The following NBAS variants were observed in gnomAD, a reference collection of about 807,000 sequenced individuals.
The protein encoded by NBAS is NAG/BC035112 fusion.
In NBAS, 219 loss-of-function variants were observed where a neutral mutation model predicts 302.5. That is an observed-to-expected ratio of 0.72 (90% CI 0.65 to 0.81). The LOEUF (loss-of-function observed/expected upper bound fraction) is 0.81, where lower values mean the gene tolerates loss of function less well. Among genes scored for constraint, NBAS ranks in the 30% least tolerant of loss-of-function variants. The pLI is 0.00. For missense variants in NBAS, 2,932 were observed against 2,841.6 expected (o/e 1.03, Z -0.72); for synonymous variants, 1,118 against 1,021.6 (o/e 1.09, Z -1.80).
chr2:15,403,619 G>A (rs768464079), intron 25 of NBAS, among the ~76,000 whole-genome samples: 39 of 152,196 alleles, frequency 2.6e-4, no homozygotes, highest in Non-Finnish European at 5.1e-4. Flanking sequence ...TGTGTATCAG[G>A]GACTTGAGCA....
At position 15,167,992 on chromosome 2, in the gene NBAS, CCTTGCCTTTTAAAAAA is replaced by C. The variant is rs201567942; in HGVS notation, c.6841-685_6841-670del. Reference sequence around the variant, plus strand: ...CAGCCTCTAGGAAGCTCAGTACCAACCTTGCCTTTTAAAAAACGGTTTCATAGGTTCTTTCAGTTTG... The same window carrying C: ...CAGCCTCTAGGAAGCTCAGTACCAACCGGTTTCATAGGTTCTTTCAGTTTG... On this transcript the variant is annotated intron_variant, in intron 51 of 51. Coordinates refer to ENST00000281513, the MANE Select transcript of NBAS (RefSeq NM_015909.4). 3.8e-4 allele frequency among the ~76,000 whole-genome samples: 58 copies of C among 152,314 alleles called. No homozygotes were observed. The East Asian group carries it at 9.8e-3, about 26-fold the overall frequency.
At chr2:14,947,642 G>T in the NBAS span, among the ~76,000 whole-genome samples, 1 of 151,948 alleles carries the variant, frequency 6.6e-6, no homozygotes, top group Non-Finnish European at 1.5e-5. Context: ...TTGCCTAATT[G>T]CTCTGGCTAG....
the NBAS span, among the ~76,000 whole-genome samples, chr2:14,881,468 A>G: frequency 6.6e-6 from 1 of 152,200 alleles, no homozygotes; most frequent in Non-Finnish European, 1.5e-5. Flanking sequence ...CAACTATGCA[A>G]TTACTCATGT....
At chr2:15,350,378 C>T (rs907656270) in intron 35 of NBAS, among the ~76,000 whole-genome samples, 1 of 152,128 alleles carries the variant, frequency 6.6e-6, no homozygotes. Flanking sequence ...GTGAAGCTTA[C>T]CATTTGATGG....
In NBAS at chr2:15,330,644, T is replaced by C. The variant is rs1230668654; in HGVS notation, c.4301A>G (p.Asp1434Gly). ...TTKAVLQAVS[D>G]GQWWKKSLTY... is the part of the protein sequence containing the mutation. ...TAAAGACTTCTTCCACCACTGCCCA[T>C]CACTGACGGCCTGCAGCACCGCTTT... The change falls in exon 36 of 52, where the codon GAT becomes GGT. Residue 1434 changes from aspartate to glycine, a missense_variant. Asp to Gly is a moderately conservative substitution (Grantham distance 94, BLOSUM62 -1). Transcript: ENST00000281513. 1 of 1,614,036 alleles carries C rather than the reference T, an allele frequency of 6.2e-7. No homozygotes were observed. Among genetic ancestry groups the C allele is most frequent in the Admixed American group, 1.7e-5 (1 of 60,000 alleles).
chr2:15,028,474 T>C, the NBAS span, among the ~76,000 whole-genome samples: 3 of 152,246 alleles, frequency 2.0e-5, no homozygotes, highest in East Asian at 5.8e-4. Flanking sequence ...GGCATTATTA[T>C]CTTTTTAAAA....
chr2:15,065,073 G>T, the NBAS span, among the ~76,000 whole-genome samples: 1 of 151,962 alleles, frequency 6.6e-6, no homozygotes, highest in Middle Eastern at 3.4e-3. Context: ...CAACAAATAG[G>T]TATAGAAAAA....
In NBAS at chr2:15,427,783, T is replaced by G; in HGVS notation, c.2351A>C (p.Asp784Ala). Reference sequence around the variant, plus strand: ...ATGCCAAGGAATGATCATCAGGGAGTCACCGTTAAAACTCAAATTTAAAAA... The same window carrying G: ...ATGCCAAGGAATGATCATCAGGGAGGCACCGTTAAAACTCAAATTTAAAAA... ...VLLPEACFNGDSLMIIPWHEH... is the reference protein window; with the variant it reads ...VLLPEACFNGASLMIIPWHEH... Residue 784 changes from aspartate to alanine, a missense_variant, in exon 22 of 52, where the codon GAC becomes GCC. By Grantham distance (126) the Asp-to-Ala change is moderately radical. Coordinates refer to ENST00000281513, the MANE Select transcript of NBAS (RefSeq NM_015909.4). 9 of 1,612,538 alleles carry G rather than the reference T, an allele frequency of 5.6e-6. No homozygotes were observed. Among genetic ancestry groups the G allele is most frequent in the Non-Finnish European group, 7.6e-6 (9 of 1,179,224 alleles).
At chr2:15,175,256 T>C (rs566954189) in intron 51 of NBAS, among the ~76,000 whole-genome samples, 1 of 152,264 alleles carries the variant, frequency 6.6e-6, no homozygotes, top group South Asian at 2.1e-4. Flanking sequence ...TGAGCCACCG[T>C]GCCCGGCCAA....
chr2:14,784,311 C>G, the NBAS span, among the ~76,000 whole-genome samples: 2 of 152,186 alleles, frequency 1.3e-5, no homozygotes, highest in African/African-American at 4.8e-5. Flanking sequence ...TGCAGAAGCT[C>G]TTTGGTTTAA....
Position 15,234,551 on chromosome 2 carries a change from G to A in NBAS, c.6140C>T (p.Ala2047Val). 6.2e-7 allele frequency: 1 copy of A among 1,613,628 alleles called. No individual in the cohort carries two copies. Among genetic ancestry groups the A allele is most frequent in the East Asian group, 2.2e-5 (1 of 44,882 alleles). Reference sequence around the variant, plus strand: ...TGACCACTTTCTAGCTTACCTCAATGCAGAAATTATTTTCATGATTGCACT... The same window carrying A: ...TGACCACTTTCTAGCTTACCTCAATACAGAAATTATTTTCATGATTGCACT... The part of the protein sequence containing the change: ...VQSAIMKIIS[A>V]LSGGSADLGG... The change falls in exon 46 of 52, where the codon GCA becomes GTA. Residue 2047 changes from alanine (A) to valine (V), a missense_variant. Transcript: ENST00000281513.
At chr2:15,547,449 A>G (rs1009568996) in intron 6 of NBAS, among the ~76,000 whole-genome samples, 1 of 152,244 alleles carries the variant, frequency 6.6e-6, no homozygotes, top group Non-Finnish European at 1.5e-5. Flanking sequence ...AGCCAACAAA[A>G]TAAAACATTA....
intron 23 of NBAS, among the ~76,000 whole-genome samples, chr2:15,423,006 T>C (rs1361272208): frequency 1.3e-5 from 2 of 152,176 alleles, no homozygotes; most frequent in African/African-American, 2.4e-5. Flanking sequence ...TTAAAAAATG[T>C]CTAGGTGCAC....
At chr2:15,286,938 G>T (rs751120202) in intron 42 of NBAS, 135 bp downstream of exon 42, 7 of 690,486 alleles carry the variant, frequency 1.0e-5, no homozygotes, top group African/African-American at 1.8e-5. Context: ...TATAAGGAAA[G>T]AACTTACCAA....
At chr2:14,957,601 C>T in the NBAS span, among the ~76,000 whole-genome samples, 2 of 152,172 alleles carry the variant, frequency 1.3e-5, no homozygotes, top group Admixed American at 6.5e-5. Flanking sequence ...TTCCTACCCA[C>T]CTTTCCAGCC....
chr2:15,036,737 C>A, the NBAS span, among the ~76,000 whole-genome samples: 5 of 152,200 alleles, frequency 3.3e-5, no homozygotes, highest in African/African-American at 1.2e-4. Context: ...TTGGTACTCA[C>A]GCAGCTCCTC....
At chr2:14,999,614 C>G in the NBAS span, among the ~76,000 whole-genome samples, 1 of 152,164 alleles carries the variant, frequency 6.6e-6, no homozygotes, top group African/African-American at 2.4e-5. Flanking sequence ...TCTTCACCTT[C>G]CACCATGATT....
the NBAS span, among the ~76,000 whole-genome samples, chr2:14,986,738 A>G: frequency 0.089 from 13,507 of 152,088 alleles, 1,560 homozygotes; most frequent in African/African-American, 0.26. Context: ...TCTTCCCCTA[A>G]AGCAATCTGT....
At chr2:14,926,354 C>A in the NBAS span, among the ~76,000 whole-genome samples, 3 of 152,112 alleles carry the variant, frequency 2.0e-5, no homozygotes, top group Admixed American at 6.5e-5. Flanking sequence ...CAAAGAGCAA[C>A]AAAGTCAGCA....
Sources: allele counts gnomAD v4.1 joint callset (sites outside exome capture counted in the v4.1 genomes callset), GRCh38; gene constraint gnomAD v4.1.1; transcripts MANE v1.5; gene names NCBI Gene and HGNC (gene_info 2026-07-23, HGNC 2026-07-21).